Variants in SORCS3 observed in about 807,000 individuals in gnomAD.
The protein encoded by SORCS3 is sortilin related VPS10 domain containing receptor 3.
SORCS3 carries 57 observed loss-of-function variants against 146.3 expected under a neutral mutation model. The ratio of observed to expected loss-of-function variants is 0.39; its 90% CI spans 0.31 to 0.49. The LOEUF (loss-of-function observed/expected upper bound fraction) is 0.49, where lower values mean the gene tolerates loss of function less well. SORCS3 is among the 20% of genes least tolerant of loss of function. SORCS3 has a pLI of 0.92. For missense variants in SORCS3, 1,341 were observed against 1,575.5 expected (o/e 0.85, Z 2.52); for synonymous variants, 653 against 618.5 (o/e 1.06, Z -0.83).
chr10:104,773,579 T>A (rs1269940282), intron 1 of SORCS3, among the ~76,000 whole-genome samples: 2 of 152,208 alleles, frequency 1.3e-5, no homozygotes, highest in African/African-American at 4.8e-5. Flanking sequence ...GGGCTAAGCA[T>A]ACAGAGCAGA....
At chr10:105,258,279 C>G (rs984544995) in intron 25 of SORCS3, among the ~76,000 whole-genome samples, 2 of 152,078 alleles carry the variant, frequency 1.3e-5, no homozygotes, top group African/African-American at 4.8e-5. Flanking sequence ...CCCACATACC[C>G]CTGTTCCCTT....
chr10:104,662,258 T>C (rs2015712318), intron 1 of SORCS3, among the ~76,000 whole-genome samples: 1 of 152,234 alleles, frequency 6.6e-6, no homozygotes, highest in Non-Finnish European at 1.5e-5. Flanking sequence ...CAGCTTTTAT[T>C]TCATTTTAAA....
chr10:104,936,771 T>G (rs12250303), intron 3 of SORCS3, among the ~76,000 whole-genome samples: 42,059 of 152,090 alleles, frequency 0.28, 7,483 homozygotes, highest in African/African-American at 0.51. Flanking sequence ...TGCTATCAAT[T>G]CAGCAAACAG....
intron 1 of SORCS3, among the ~76,000 whole-genome samples, chr10:104,825,822 A>G (rs1486915846): frequency 6.6e-6 from 1 of 152,112 alleles, no homozygotes; most frequent in East Asian, 1.9e-4. Context: ...GAGTGAATGG[A>G]TTTTTAATTC....
intron 2 of SORCS3, among the ~76,000 whole-genome samples, chr10:104,860,939 A>G (rs1315987851): frequency 3.3e-5 from 5 of 152,122 alleles, no homozygotes; most frequent in Admixed American, 3.3e-4. Flanking sequence ...TCTCAAATCT[A>G]CAGTCCCCTC....
chr10:104,826,995 G>A (rs1055493908), intron 1 of SORCS3, among the ~76,000 whole-genome samples: 1 of 152,178 alleles, frequency 6.6e-6, no homozygotes, highest in Non-Finnish European at 1.5e-5. Context: ...GTTTAATCAT[G>A]AGATTGCAGA....
At chr10:105,069,938 C>T (rs572893303) in intron 5 of SORCS3, among the ~76,000 whole-genome samples, 1 of 152,256 alleles carries the variant, frequency 6.6e-6, no homozygotes, top group South Asian at 2.1e-4. Flanking sequence ...CCCAGTCTAG[C>T]CAGATCCATA....
chr10:104,965,570 GC>G, intron 3 of SORCS3, among the ~76,000 whole-genome samples: 1 of 152,042 alleles, frequency 6.6e-6, no homozygotes, highest in Non-Finnish European at 1.5e-5. Context: ...TCACATCCCT[GC>G]CAACACTTGT....
At chr10:105,022,825 G>T (rs1006062317) in intron 4 of SORCS3, among the ~76,000 whole-genome samples, 1 of 152,060 alleles carries the variant, frequency 6.6e-6, no homozygotes, top group Non-Finnish European at 1.5e-5. Flanking sequence ...TTTAAAACAG[G>T]ACTTGAGTTA....
intron 17 of SORCS3, among the ~76,000 whole-genome samples, chr10:105,211,633 T>C (rs1009395634): frequency 6.6e-6 from 1 of 152,226 alleles, no homozygotes; most frequent in South Asian, 2.1e-4. Flanking sequence ...GTGACACTGA[T>C]GCTGAAAACT....
intron 1 of SORCS3, among the ~76,000 whole-genome samples, chr10:104,808,913 A>C (rs2017710331): frequency 1.3e-5 from 2 of 152,242 alleles, no homozygotes; most frequent in South Asian, 4.1e-4. Flanking sequence ...TGCTGGTGAT[A>C]GAAATAGAAG....
intron 1 of SORCS3, among the ~76,000 whole-genome samples, chr10:104,677,622 T>C (rs872774): frequency 0.1 from 15,928 of 152,198 alleles, 901 homozygotes; most frequent in Admixed American, 0.14. Flanking sequence ...ATCTTCATTA[T>C]TGAAACATTA....
chr10:104,910,829 G>A (rs1381685043), intron 2 of SORCS3, among the ~76,000 whole-genome samples: 2 of 152,348 alleles, frequency 1.3e-5, no homozygotes, highest in Non-Finnish European at 2.9e-5. Context: ...CCAGAGCCCC[G>A]TGGCTACACT....
intron 2 of SORCS3, among the ~76,000 whole-genome samples, chr10:104,873,562 G>T (rs953750147): frequency 6.6e-6 from 1 of 152,142 alleles, no homozygotes; most frequent in Non-Finnish European, 1.5e-5. Flanking sequence ...TTGCCTTTTG[G>T]GGGCAGAGCA....
At chr10:105,137,586 G>A (rs111745406) in intron 7 of SORCS3, among the ~76,000 whole-genome samples, 114 of 152,238 alleles carry the variant, frequency 7.5e-4, no homozygotes, top group African/African-American at 2.6e-3. Flanking sequence ...GGCAGGTGAG[G>A]AGCACAGAGG....
chr10:105,239,503 A>C (rs1217426193), intron 20 of SORCS3, among the ~76,000 whole-genome samples: 1 of 152,216 alleles, frequency 6.6e-6, no homozygotes, highest in Non-Finnish European at 1.5e-5. Context: ...CTAAATAGTC[A>C]CACAGAGCTT....
At chr10:105,145,601 G>C (rs554977836) in intron 8 of SORCS3, among the ~76,000 whole-genome samples, 1 of 152,098 alleles carries the variant, frequency 6.6e-6, no homozygotes, top group Non-Finnish European at 1.5e-5. Flanking sequence ...AATTTAATTC[G>C]TATTTCCTGC....
intron 1 of SORCS3, among the ~76,000 whole-genome samples, chr10:104,715,593 A>G (rs1176899517): frequency 6.6e-6 from 1 of 152,192 alleles, no homozygotes; most frequent in Non-Finnish European, 1.5e-5. Flanking sequence ...GAGAACTCTA[A>G]TACAGTACAG....
rs570466435 is a variant in SORCS3, at chr10:104,885,527, G to A, written c.696-30306G>A. Among the ~76,000 whole-genome samples, 180 of 152,234 alleles carry A rather than the reference G, an allele frequency of 1.2e-3. 1 individual carries two copies. Among genetic ancestry groups the A allele is most frequent in the African/African-American group, 3.9e-3 (162 of 41,552 alleles). The stretch of plus-strand genomic sequence containing the variant: ...ATGTACTTTAATTTTGTTAGGACCG[G>A]AACAGTGTTAATGGTCATCATCTTT... On this transcript the variant is annotated intron_variant, in intron 2 of 26. Transcript: ENST00000369701.
Sources: gnomAD v4.1 joint callset for allele counts (sites outside exome capture counted in the v4.1 genomes callset) on GRCh38, gnomAD v4.1.1 for gene constraint, MANE v1.5 for transcripts, NCBI Gene and HGNC (gene_info 2026-07-23, HGNC 2026-07-21) for gene names.